PRSS23: variants seen among roughly 807,000 people sequenced by gnomAD.
The protein encoded by PRSS23 is serine protease 23, also known as protease, serine 23.
Under a neutral mutation model 34.7 loss-of-function variants are expected in PRSS23, and 25 were observed. The observed-to-expected ratio is 0.72, with a 90% CI of 0.53 to 1.01. The LOEUF is 1.01. PRSS23 is among the 50% of genes least tolerant of loss of function. The probability of loss-of-function intolerance (pLI) is 0.00; values close to 1 mark genes in which losing one functional copy is unlikely to be tolerated. For synonymous variants in PRSS23, 176 were observed against 186.6 expected (o/e 0.94, Z 0.46); for missense variants, 445 against 475.6 (o/e 0.94, Z 0.60).
At chr11:86,820,648 CAG>C (rs937140120) in intron 1 of PRSS23, among the ~76,000 whole-genome samples, 1 of 152,084 alleles carries the variant, frequency 6.6e-6, no homozygotes, top group African/African-American at 2.4e-5. Context: ...AAACTATAAA[CAG>C]AATTTTAAAA....
chr11:86,916,143 A>C (rs1253601339), intron 2 of PRSS23, among the ~76,000 whole-genome samples: 2 of 152,244 alleles, frequency 1.3e-5, no homozygotes, highest in South Asian at 2.1e-4. Flanking sequence ...TAAATAATGC[A>C]TACAAATATA....
rs778495857 is a variant in PRSS23 at position 86,808,828 on chromosome 11, C to T, written c.*33C>T. The T allele has an allele frequency of 1.3e-6, 2 of 1,544,670 alleles. No individual in the cohort carries two copies. The highest frequency in any genetic ancestry group is 1.8e-6 in the Non-Finnish European group (2 of 1,141,374). On this transcript the variant is annotated 3_prime_UTR_variant, in exon 2 of 2. Coordinates refer to ENST00000280258, the MANE Select transcript of PRSS23 (RefSeq NM_007173.6). ...TTCCCTCCTGGCAGCAATTAAGGGT[C>T]TTCATGTTCTTATTTTAGGAGAGGC...
chr11:86,828,708 G>A (rs897572057), intron 2 of PRSS23, among the ~76,000 whole-genome samples: 9 of 152,136 alleles, frequency 5.9e-5, no homozygotes, highest in East Asian at 1.9e-4. Context: ...AGAATCTCTC[G>A]GCATTTGCTC....
intron 2 of PRSS23, among the ~76,000 whole-genome samples, chr11:86,914,151 A>T (rs978496406): frequency 3.3e-5 from 5 of 151,954 alleles, no homozygotes; most frequent in African/African-American, 9.6e-5. Flanking sequence ...GCTTGAACCC[A>T]GGAGACAGAG....
intron 2 of PRSS23, among the ~76,000 whole-genome samples, chr11:86,873,483 A>G (rs1948701696): frequency 6.6e-6 from 1 of 151,366 alleles, no homozygotes; most frequent in Non-Finnish European, 1.5e-5. Flanking sequence ...GGGTTTTCCT[A>G]TGTTGGCCAG....
intron 1 of PRSS23, among the ~76,000 whole-genome samples, chr11:86,793,161 C>T (rs1371529089): frequency 1.3e-5 from 2 of 152,124 alleles, no homozygotes; most frequent in Non-Finnish European, 2.9e-5. Flanking sequence ...ATTCCGTGGT[C>T]AAATAAGATT....
chr11:86,796,632 C>T (rs1032480047), upstream of PRSS23, among the ~76,000 whole-genome samples: 1 of 88,494 alleles, frequency 1.1e-5, no homozygotes, highest in Non-Finnish European at 2.1e-5. Context: ...CAGAGCGAGA[C>T]TCCGTCTCAA....
chr11:86,880,708 A>G (rs1948767274), intron 2 of PRSS23, among the ~76,000 whole-genome samples: 1 of 152,044 alleles, frequency 6.6e-6, no homozygotes, highest in African/African-American at 2.4e-5. Flanking sequence ...ATGTGTTCTC[A>G]TTGTTCAACT....
chr11:86,795,922 CAT>C (rs1382839834), upstream of PRSS23, among the ~76,000 whole-genome samples: 9 of 152,170 alleles, frequency 5.9e-5, no homozygotes, highest in African/African-American at 2.2e-4. Flanking sequence ...ATCTTGGTCT[CAT>C]AAAAAATAAG....
chr11:86,839,712 C>A (rs1299285119), intron 2 of PRSS23, among the ~76,000 whole-genome samples: 1 of 151,726 alleles, frequency 6.6e-6, no homozygotes, highest in African/African-American at 2.4e-5. Flanking sequence ...AAAGGTCAAG[C>A]TACCCAGAAA....
intron 2 of PRSS23, chr11:86,896,392 T>C (rs1305371254): frequency 6.6e-6 from 1 of 151,766 alleles, no homozygotes; most frequent in Admixed American, 6.6e-5. Context: ...CACATGCACA[T>C]AAACAAGGAC....
chr11:86,952,426 G>T, exon 3 of PRSS23: 1 of 1,613,952 alleles, frequency 6.2e-7, no homozygotes, highest in South Asian at 1.1e-5. Context: ...TGGGGATGTT[G>T]ATCTTCTCTG....
rs571111059 is a variant in PRSS23 at position 86,852,846 on chromosome 11, T to TTTTG, written c.206+29273_206+29276dup. Among the ~76,000 whole-genome samples the TTTTG allele has an allele frequency of 2.8e-3, 431 of 152,022 alleles. 2 individuals carry two copies. The highest frequency in any genetic ancestry group is 6.5e-3 in the South Asian group (31 of 4,806). On this transcript the variant is annotated intron_variant, in intron 2 of 2. Coordinates refer to the PRSS23 transcript ENST00000533902. ...TTGATATAAGTGGAATCACACCATG[T>TTTTG]TTTGTTTGTTTGTTTGTTTGTTTTG...
At chr11:86,923,683 C>T (rs4354716) in intron 2 of PRSS23, among the ~76,000 whole-genome samples, 94,099 of 152,022 alleles carry the variant, frequency 0.62, 29,705 homozygotes, top group Non-Finnish European at 0.69. Flanking sequence ...CTAGTCTGGG[C>T]CAAACACTTT....
intron 2 of PRSS23, among the ~76,000 whole-genome samples, chr11:86,925,332 C>G (rs562265026): frequency 1.4e-5 from 2 of 141,940 alleles, no homozygotes; most frequent in Non-Finnish European, 3.1e-5. Flanking sequence ...GTGTGTGTGT[C>G]GTTTACATTT....
At chr11:86,901,575 A>G (rs570706303) in intron 2 of PRSS23, among the ~76,000 whole-genome samples, 17 of 152,266 alleles carry the variant, frequency 1.1e-4, no homozygotes. Flanking sequence ...GTTATAAAGG[A>G]CTTTGAGGAA....
intron 2 of PRSS23, chr11:86,832,693 T>A: frequency 3.0e-6 from 1 of 337,008 alleles, no homozygotes; most frequent in South Asian, 2.6e-5. Flanking sequence ...CCCCAACGAC[T>A]TTTCCATAAA....
At chr11:86,845,088 CA>C (rs1280439603) in intron 2 of PRSS23, among the ~76,000 whole-genome samples, 2 of 140,784 alleles carry the variant, frequency 1.4e-5, no homozygotes, top group African/African-American at 5.6e-5. Flanking sequence ...AACTCTGTCT[CA>C]GAAAAAAAAA....
At chr11:86,845,079 A>T (rs1565364085) in intron 2 of PRSS23, among the ~76,000 whole-genome samples, 1 of 150,832 alleles carries the variant, frequency 6.6e-6, no homozygotes, top group African/African-American at 2.5e-5. Flanking sequence ...CAAGAGTGAA[A>T]CTCTGTCTCA....
Sources: gnomAD v4.1 joint callset for allele counts (sites outside exome capture counted in the v4.1 genomes callset) on GRCh38, gnomAD v4.1.1 for gene constraint, MANE v1.5 for transcripts, NCBI Gene and HGNC (gene_info 2026-07-23, HGNC 2026-07-21) for gene names.